Variants in L1CAM observed in about 807,000 individuals in gnomAD.
L1CAM encodes neural cell adhesion molecule L1.
L1CAM carries 8 observed loss-of-function variants against 93.0 expected under a neutral mutation model. The observed-to-expected ratio is 0.09, with a 90% CI of 0.05 to 0.16. The LOEUF (loss-of-function observed/expected upper bound fraction) is 0.16, where lower values mean the gene tolerates loss of function less well. L1CAM is among the 10% of genes least tolerant of loss of function. The probability of loss-of-function intolerance (pLI) is 1.00; values close to 1 mark genes in which losing one functional copy is unlikely to be tolerated. For missense variants in L1CAM, 777 were observed against 1,073.4 expected (o/e 0.72, Z 3.86); for synonymous variants, 453 against 453.0 (o/e 1.00, Z 0.00).
Position 153,884,060 on chromosome X carries a change from G to A in L1CAM, c.-109+2005C>T, listed in dbSNP as rs1057060867. ...ACCCTGCTCACTGTAGGAGCCCTCA[G>A]GCCAGGCCCTTCCTCACTCTTTGCC... On this transcript the variant is annotated intron_variant, in intron 1 of 28. Coordinates refer to ENST00000370060, the MANE Select transcript of L1CAM (RefSeq NM_001278116.2). The A allele has an allele frequency of 2.8e-5, 13 of 466,398 alleles. No homozygotes were observed. The East Asian group carries it at 8.2e-4, about 29-fold the overall frequency. 38.4% of individuals were successfully genotyped at this position (466,398 alleles called of 1,213,427 possible).
intron 26 of L1CAM, 48 bp downstream of exon 26, chrX:153,863,835 C>A: frequency 8.3e-7 from 1 of 1,207,801 alleles, no homozygotes; most frequent in South Asian, 1.8e-5. Flanking sequence ...GCGAGGTGCT[C>A]CTCTCTGCCC....
At chrX:153,878,809 C>A in intron 1 of L1CAM, among the ~76,000 whole-genome samples, 1 of 111,455 alleles carries the variant, frequency 9.0e-6, no homozygotes, top group Middle Eastern at 4.6e-3. Context: ...TTGGCATGTA[C>A]GCTCAGGGGA....
chrX:153,878,158 T>C (rs986045509), intron 1 of L1CAM, among the ~76,000 whole-genome samples: 1 of 112,618 alleles, frequency 8.9e-6, no homozygotes, highest in South Asian at 3.7e-4. Context: ...ATTAAATCCA[T>C]ACTGTGCATC....
intron 20 of L1CAM, 64 bp from the exon 21 acceptor site, chrX:153,865,564 C>A: frequency 2.8e-6 from 3 of 1,078,351 alleles, no homozygotes; most frequent in Middle Eastern, 2.5e-4. Context: ...CCAGCGCACA[C>A]CCCCACCACC....
intron 1 of L1CAM, among the ~76,000 whole-genome samples, chrX:153,878,698 C>T (rs1319223801): frequency 1.8e-5 from 2 of 111,690 alleles, no homozygotes; most frequent in Non-Finnish European, 3.8e-5. Context: ...AAAGAAGGAC[C>T]CTCCTGCATG....
intron 17 of L1CAM, 105 bp downstream of exon 17, chrX:153,867,251 A>G: frequency 1.0e-6 from 1 of 999,631 alleles, no homozygotes; most frequent in South Asian, 1.9e-5. Flanking sequence ...CTCCCCCTGG[A>G]AATTTGGAAG....
chrX:153,868,704 A>T lies in L1CAM; in HGVS notation c.1403T>A (p.Val468Glu). 1 of 1,211,675 alleles carries T rather than the reference A, an allele frequency of 8.3e-7. No individual in the cohort carries two copies. The change falls in exon 13 of 29, where the codon GTG becomes GAG. Residue 468 changes from valine to glutamate, a missense_variant. Physicochemically the swap from Val to Glu is moderately radical, Grantham distance 121. This residue lies in a region of L1CAM where 574 missense variants were observed against 781.0 expected (regional missense o/e 0.73). Coordinates refer to ENST00000370060, the MANE Select transcript of L1CAM (RefSeq NM_001278116.2). ...VQWLDEDGTT[V>E]LQDERFFPYA... Reference sequence around the variant, plus strand: ...GGGGAAGAAGCGTTCGTCCTGAAGCACTGTTGTCCCATCCTCGTCCAGCCT... The same window carrying T: ...GGGGAAGAAGCGTTCGTCCTGAAGCTCTGTTGTCCCATCCTCGTCCAGCCT...
At chrX:153,881,574 C>A (rs1375754114) in intron 1 of L1CAM, among the ~76,000 whole-genome samples, 6 of 111,855 alleles carry the variant, frequency 5.4e-5, no homozygotes, top group Admixed American at 4.7e-4. Flanking sequence ...ACCAAACAAA[C>A]CCCCAAGTCC....
intron 7 of L1CAM, 135 bp downstream of exon 7, chrX:153,870,655 G>C: frequency 1.2e-6 from 1 of 802,860 alleles, no homozygotes; most frequent in Non-Finnish European, 1.9e-6. Flanking sequence ...CCTGGGAAGG[G>C]GTCTGGGCAG....
At position 153,865,484 on chromosome X, in the gene L1CAM, T is replaced by C. The variant is rs782581179; in HGVS notation, c.2564A>G (p.Glu855Gly). 8.3e-7 allele frequency: 1 copy of C among 1,208,908 alleles called. No individual in the cohort carries two copies. Among genetic ancestry groups the C allele is most frequent in the Admixed American group, 2.2e-5 (1 of 45,826 alleles). Reference protein sequence around the residue: ...LRGYNVTYWREGSQRKHSKRH... With the variant: ...LRGYNVTYWRGGSQRKHSKRH... ...CTTGCTGTGCTTCCTCTGACTGCCC[T>C]CCCTCCAGTACGTCACCTGCACAAG... is the stretch of plus-strand genomic sequence containing the variant. Residue 855 changes from glutamate to glycine, a missense_variant, in exon 21 of 29, where the codon GAG becomes GGG. Physicochemically the swap from Glu to Gly is moderately conservative, Grantham distance 98 (BLOSUM62 -2). Around this residue, in one of 5 missense-constraint regions of L1CAM, gnomAD observed 574 missense variants for 781.0 expected, o/e 0.73. Coordinates refer to ENST00000370060, the MANE Select transcript of L1CAM (RefSeq NM_001278116.2).
rs370130653 is a variant in L1CAM, at chrX:153,884,863, C to T, written c.-109+1202G>A. On this transcript the variant is annotated intron_variant, in intron 1 of 28. Coordinates refer to ENST00000370060, the MANE Select transcript of L1CAM (RefSeq NM_001278116.2). ...CCCCCAGGGGAAGAAGGGCGGACTG[C>T]ACTGATTTACGTCAGGGCCACATGA... Among the ~76,000 whole-genome samples the T allele has an allele frequency of 2.7e-3, 306 of 113,139 alleles. 1 individual carries two copies. Among genetic ancestry groups the T allele is most frequent in the African/African-American group, 9.2e-3 (287 of 31,215 alleles).
At chrX:153,878,564 T>C (rs1403566388) in intron 1 of L1CAM, among the ~76,000 whole-genome samples, 4 of 112,233 alleles carry the variant, frequency 3.6e-5, no homozygotes, top group Admixed American at 1.9e-4. Context: ...TGGCCTCAAC[T>C]TCAAGGCCTG....
chrX:153,884,306 G>C, intron 1 of L1CAM: 13 of 938,854 alleles, frequency 1.4e-5, no homozygotes, highest in Non-Finnish European at 1.8e-5. Context: ...GCAGGGCAGG[G>C]GACCCCGCCA....
intron 1 of L1CAM, 172 bp from the exon 2 acceptor site, chrX:153,876,116 T>C: frequency 2.3e-6 from 1 of 441,593 alleles, no homozygotes; most frequent in Non-Finnish European, 3.9e-6. Context: ...CTCCCCACCT[T>C]GGAGGGAGAA....
chrX:153,862,718 C>T lies in L1CAM; in HGVS notation c.3719G>A (p.Gly1240Asp), dbSNP rs201727195. ...SGKKEKEAAG[G>D]NDSSGATSPI... ...GGAAGTGGCCCCTGAGCTGTCATTG[C>T]CCCCTGCCGCCTCCTTCTCCTTCTT... Residue 1240 changes from glycine (G) to aspartate (D), a missense_variant, in exon 29 of 29, where the codon GGC becomes GAC. Physicochemically the swap from Gly to Asp is moderately conservative, Grantham distance 94. Around this residue, in one of 5 missense-constraint regions of L1CAM, gnomAD observed 110 missense variants for 141.7 expected, o/e 0.78. Coordinates refer to ENST00000370060, the MANE Select transcript of L1CAM (RefSeq NM_001278116.2). 1.7e-6 allele frequency: 2 copies of T among 1,210,660 alleles called. No homozygotes were observed. The highest frequency in any genetic ancestry group is 2.2e-6 in the Non-Finnish European group (2 of 895,056).
intron 1 of L1CAM, among the ~76,000 whole-genome samples, chrX:153,877,219 G>A (rs1350786571): frequency 9.9e-6 from 1 of 100,757 alleles, no homozygotes; most frequent in Non-Finnish European, 2.0e-5. Flanking sequence ...TGAGGCAGGC[G>A]GATCATGAGG....
chrX:153,884,332 T>C, intron 1 of L1CAM: 1 of 834,477 alleles, frequency 1.2e-6, no homozygotes, highest in Non-Finnish European at 1.6e-6. Flanking sequence ...AAGCGCTGAT[T>C]GTCCTCCTGA....
chrX:153,867,003 C>T (rs781993402), intron 18 of L1CAM, 51 bp downstream of exon 18: 1 of 1,147,214 alleles, frequency 8.7e-7, no homozygotes, highest in Non-Finnish European at 1.2e-6. Context: ...GCAACAGACA[C>T]CCAGGTCATG....
At chrX:153,863,657 G>T in intron 26 of L1CAM, 108 bp from the exon 27 acceptor site, 1 of 873,281 alleles carries the variant, frequency 1.1e-6, no homozygotes. Context: ...AGCGCCCAGA[G>T]GCAAGAGGCC....
Sources: allele counts gnomAD v4.1 joint callset (sites outside exome capture counted in the v4.1 genomes callset), GRCh38; gene constraint gnomAD v4.1.1; regional missense constraint gnomAD v4.1.1; transcripts MANE v1.5; gene names NCBI Gene and HGNC (gene_info 2026-07-23, HGNC 2026-07-21).